The following ANK2 variants were observed in gnomAD, a reference collection of about 807,000 sequenced individuals.
ANK2 encodes ankyrin-2.
Under a neutral mutation model 360.5 loss-of-function variants are expected in ANK2, and 83 were observed. The ratio of observed to expected loss-of-function variants is 0.23; its 90% confidence interval spans 0.19 to 0.28. ANK2 has a LOEUF of 0.28. ANK2 is among the 10% of genes least tolerant of loss of function. The probability of loss-of-function intolerance (pLI) is 1.00; values close to 1 mark genes in which losing one functional copy is unlikely to be tolerated. For synonymous variants in ANK2, 1,740 were observed against 1,759.5 expected, an observed-to-expected ratio of 0.99 and a Z score of 0.28; for missense variants, 4,201 against 4,795.7, an observed-to-expected ratio of 0.88 and a Z score of 3.66.
the ANK2 span, among the ~76,000 whole-genome samples, chr4:112,732,714 G>A: frequency 1.3e-5 from 2 of 152,126 alleles, no homozygotes; most frequent in African/African-American, 2.4e-5. Flanking sequence ...TCATCTACTT[G>A]GGTCTTCACC....
At chr4:113,053,446 T>C (rs1174678637) in intron 1 of ANK2, among the ~76,000 whole-genome samples, 1 of 152,186 alleles carries the variant, frequency 6.6e-6, no homozygotes, top group East Asian at 1.9e-4. Flanking sequence ...GGATTGATGT[T>C]CTAGTGGTGG....
the ANK2 span, among the ~76,000 whole-genome samples, chr4:112,776,721 C>T: frequency 6.6e-6 from 1 of 152,168 alleles, no homozygotes; most frequent in East Asian, 1.9e-4. Context: ...AATAGTTGCA[C>T]ATTAAATATG....
rs116076306 is a variant in ANK2, at chr4:113,072,648, G to A, written c.84+22836G>A. 1.0e-2 allele frequency among the ~76,000 whole-genome samples: 1,515 copies of A among 151,894 alleles called. 26 individuals carry two copies. Among genetic ancestry groups the A allele is most frequent in the African/African-American group, 0.033 (1,384 of 41,394 alleles). On this transcript the variant is annotated intron_variant, in intron 1 of 45. Transcript: ENST00000357077. Reference sequence around the variant, plus strand: ...GAGGTTCTGAATTGTTTAGGCAATAGCAATGCATTATGCAATACTCAGCCA... The same window carrying A: ...GAGGTTCTGAATTGTTTAGGCAATAACAATGCATTATGCAATACTCAGCCA...
intron 45 of ANK2, among the ~76,000 whole-genome samples, chr4:113,378,885 CTG>C (rs1434948290): frequency 6.6e-6 from 1 of 151,664 alleles, no homozygotes; most frequent in African/African-American, 2.4e-5. Context: ...TCTAACAGCA[CTG>C]TAAGTATTGA....
At chr4:113,045,012 A>C (rs534436766), upstream of ANK2, among the ~76,000 whole-genome samples, 2 of 152,294 alleles carry the variant, frequency 1.3e-5, no homozygotes, top group South Asian at 4.1e-4. Flanking sequence ...TAGAGAACTG[A>C]GATTTTTTAA....
the ANK2 span, among the ~76,000 whole-genome samples, chr4:112,794,804 T>C: frequency 6.6e-6 from 1 of 152,172 alleles, no homozygotes; most frequent in Non-Finnish European, 1.5e-5. Flanking sequence ...CATAAAAGTT[T>C]GGCTATAGAT....
At chr4:112,863,514 CTTTTT>C (rs952398354) in intron 1 of ANK2, among the ~76,000 whole-genome samples, 1 of 106,988 alleles carries the variant, frequency 9.3e-6, no homozygotes, top group African/African-American at 3.6e-5. Flanking sequence ...TTTAGAGTAT[CTTTTT>C]TTTTTTTTTT....
At chr4:113,093,062 G>T (rs2089325584) in intron 1 of ANK2, among the ~76,000 whole-genome samples, 1 of 152,016 alleles carries the variant, frequency 6.6e-6, no homozygotes, top group Admixed American at 6.6e-5. Context: ...TGATTTCATG[G>T]ATATTATATA....
chr4:112,715,989 T>C, the ANK2 span, among the ~76,000 whole-genome samples: 2 of 152,086 alleles, frequency 1.3e-5, no homozygotes, highest in South Asian at 4.2e-4. Flanking sequence ...TACCTGGCAG[T>C]TGGTTTATAC....
chr4:112,810,343 A>G, the ANK2 span, among the ~76,000 whole-genome samples: 2 of 151,650 alleles, frequency 1.3e-5, no homozygotes, highest in African/African-American at 4.8e-5. Flanking sequence ...TACTTTTATC[A>G]TGAGCACAGC....
At chr4:113,281,444 G>A (rs185198436) in intron 17 of ANK2, among the ~76,000 whole-genome samples, 1 of 152,190 alleles carries the variant, frequency 6.6e-6, no homozygotes, top group East Asian at 1.9e-4. Flanking sequence ...GGATGCTGAG[G>A]TGGGAGGATC....
At chr4:113,280,153 C>T (rs1586965438) in intron 17 of ANK2, among the ~76,000 whole-genome samples, 1 of 151,886 alleles carries the variant, frequency 6.6e-6, no homozygotes, top group Non-Finnish European at 1.5e-5. Flanking sequence ...TGAGTACTTT[C>T]GTTGAACTCT....
chr4:112,925,472 G>A (rs560861393), intron 2 of ANK2, among the ~76,000 whole-genome samples: 16 of 152,084 alleles, frequency 1.1e-4, no homozygotes, highest in African/African-American at 3.6e-4. Context: ...TCTGCATAAC[G>A]TAGATCCTAT....
intron 2 of ANK2, among the ~76,000 whole-genome samples, chr4:113,186,739 T>C (rs1584318264): frequency 1.3e-5 from 2 of 152,170 alleles, no homozygotes; most frequent in Non-Finnish European, 2.9e-5. Flanking sequence ...TATTTTAAAA[T>C]GGCAACTTCT....
At chr4:112,793,307 A>T in the ANK2 span, among the ~76,000 whole-genome samples, 1 of 151,878 alleles carries the variant, frequency 6.6e-6, no homozygotes, top group Non-Finnish European at 1.5e-5. Context: ...TTGCACTAAT[A>T]AAAAAAAGGC....
intron 1 of ANK2, among the ~76,000 whole-genome samples, chr4:113,057,455 T>G (rs1162833479): frequency 6.6e-6 from 1 of 152,166 alleles, no homozygotes; most frequent in East Asian, 1.9e-4. Context: ...ATTAGGAAAC[T>G]GTTGAGTGAT....
At chr4:113,186,480 A>G (rs541409483) in intron 2 of ANK2, among the ~76,000 whole-genome samples, 8 of 151,132 alleles carry the variant, frequency 5.3e-5, no homozygotes, top group Non-Finnish European at 1.0e-4. Flanking sequence ...AAAGATTCTA[A>G]ACAGTTTTTT....
At chr4:113,318,166 T>C (rs547033817) in intron 25 of ANK2, among the ~76,000 whole-genome samples, 1 of 152,222 alleles carries the variant, frequency 6.6e-6, no homozygotes, top group Non-Finnish European at 1.5e-5. Context: ...GTTATATCTT[T>C]CAATATTTAA....
At chr4:112,985,876 G>A (rs2044674183) in intron 2 of ANK2, among the ~76,000 whole-genome samples, 1 of 151,796 alleles carries the variant, frequency 6.6e-6, no homozygotes, top group South Asian at 2.1e-4. Flanking sequence ...TACACATTGG[G>A]TGCAGTGTAC....
Sources: gnomAD v4.1 joint callset for allele counts (sites outside exome capture counted in the v4.1 genomes callset) on GRCh38, gnomAD v4.1.1 for gene constraint, MANE v1.5 for transcripts, NCBI Gene and HGNC (gene_info 2026-07-23, HGNC 2026-07-21) for gene names.